Variants in GRID2 observed in about 807,000 individuals in gnomAD.
GRID2 encodes the protein glutamate receptor ionotropic, delta-2.
In GRID2, 33 loss-of-function variants were observed where a neutral mutation model predicts 114.8. The observed-to-expected ratio is 0.29, with a 90% CI of 0.22 to 0.38. The LOEUF (loss-of-function observed/expected upper bound fraction) is 0.38, where lower values mean the gene tolerates loss of function less well. Among genes scored for constraint, GRID2 ranks in the 10% least tolerant of loss-of-function variants. GRID2 has a pLI of 1.00. For synonymous variants in GRID2, 505 were observed against 449.9 expected (o/e 1.12, Z -1.55); for missense variants, 1,184 against 1,257.7 (o/e 0.94, Z 0.89).
intron 2 of GRID2, among the ~76,000 whole-genome samples, chr4:92,961,961 A>G (rs1013512160): frequency 4.0e-5 from 6 of 151,818 alleles, no homozygotes; most frequent in Non-Finnish European, 8.8e-5. Context: ...AATATGCCCA[A>G]GAAAGGCATT....
At chr4:92,865,771 A>T (rs560027468) in intron 2 of GRID2, among the ~76,000 whole-genome samples, 5 of 152,346 alleles carry the variant, frequency 3.3e-5, no homozygotes, top group African/African-American at 1.2e-4. Flanking sequence ...TGACTGAATA[A>T]TATTTCGGCC....
Position 93,636,628 on chromosome 4 carries a change from C to T in GRID2, c.2360+10193C>T, listed in dbSNP as rs142983304. 6.0e-4 allele frequency among the ~76,000 whole-genome samples: 91 copies of T among 152,202 alleles called. 1 individual carries two copies. The East Asian group carries it at 0.014, about 23-fold the overall frequency. ...TACTTTTAAAAGGAAAATTTGATGT[C>T]ATCAAAAATAATCAAAGAACATGCT... is the stretch of plus-strand genomic sequence containing the variant. On this transcript the variant is annotated intron_variant, in intron 14 of 15. Transcript: ENST00000282020.
At chr4:93,338,567 A>T (rs1759321435) in intron 8 of GRID2, among the ~76,000 whole-genome samples, 1 of 152,196 alleles carries the variant, frequency 6.6e-6, no homozygotes, top group South Asian at 2.1e-4. Flanking sequence ...TTGTATTTAT[A>T]AAGTTTTACA....
chr4:92,709,589 A>AAAAAAAAATAT (rs779775767), intron 2 of GRID2, among the ~76,000 whole-genome samples: 4 of 114,634 alleles, frequency 3.5e-5, no homozygotes, highest in South Asian at 3.2e-4. Context: ...AAAAAAAAAA[A>AAAAAAAAATAT]ATATATATAT....
chr4:92,425,347 A>G (rs1732106121), intron 1 of GRID2, among the ~76,000 whole-genome samples: 1 of 152,082 alleles, frequency 6.6e-6, no homozygotes, highest in Non-Finnish European at 1.5e-5. Flanking sequence ...TTAATTAACA[A>G]GACTGCCAAA....
At chr4:93,710,936 G>A (rs1398542709) in intron 14 of GRID2, among the ~76,000 whole-genome samples, 1 of 152,074 alleles carries the variant, frequency 6.6e-6, no homozygotes, top group Non-Finnish European at 1.5e-5. Flanking sequence ...TCTTCAGTCA[G>A]CTGGTGTTGA....
intron 14 of GRID2, among the ~76,000 whole-genome samples, chr4:93,735,208 G>A (rs1560957588): frequency 6.6e-6 from 1 of 151,912 alleles, no homozygotes; most frequent in Non-Finnish European, 1.5e-5. Flanking sequence ...TAAACAAATG[G>A]AATCAGTAAA....
At chr4:92,481,423 A>G (rs1722583195) in intron 1 of GRID2, among the ~76,000 whole-genome samples, 1 of 152,160 alleles carries the variant, frequency 6.6e-6, no homozygotes, top group African/African-American at 2.4e-5. Context: ...ATTCTCTAGT[A>G]TGACTAGCCA....
At chr4:92,537,153 A>G (rs1196152487) in intron 1 of GRID2, among the ~76,000 whole-genome samples, 2 of 152,146 alleles carry the variant, frequency 1.3e-5, no homozygotes, top group Non-Finnish European at 2.9e-5. Flanking sequence ...ATATTTTACA[A>G]CTTTTTTCTT....
intron 2 of GRID2, among the ~76,000 whole-genome samples, chr4:93,034,240 A>C (rs1560814178): frequency 6.6e-6 from 1 of 152,208 alleles, no homozygotes; most frequent in Non-Finnish European, 1.5e-5. Flanking sequence ...TCAGACAAAA[A>C]CAAAACCAAA....
intron 2 of GRID2, among the ~76,000 whole-genome samples, chr4:92,875,515 A>G (rs186867103): frequency 1.1e-4 from 16 of 152,310 alleles, no homozygotes; most frequent in Admixed American, 9.2e-4. Context: ...AATACAACAC[A>G]TTTGGTTGTG....
Position 93,115,269 on chromosome 4 carries a change from A to G in GRID2, c.735+4316A>G, listed in dbSNP as rs573002223. On this transcript the variant is annotated intron_variant, in intron 4 of 15. Coordinates refer to ENST00000282020, the MANE Select transcript of GRID2 (RefSeq NM_001510.4). Reference sequence around the variant, plus strand: ...AATTTAATTTGTATTTACTTTTAGCATATCCTGTGTATTTGCATTGTTCAA... The same window carrying G: ...AATTTAATTTGTATTTACTTTTAGCGTATCCTGTGTATTTGCATTGTTCAA... 1.8e-4 allele frequency among the ~76,000 whole-genome samples: 27 copies of G among 152,122 alleles called. No homozygotes were observed. The South Asian group carries it at 5.4e-3, about 30-fold the overall frequency.
intron 14 of GRID2, among the ~76,000 whole-genome samples, chr4:93,688,301 T>C (rs1015334873): frequency 2.0e-5 from 3 of 151,954 alleles, no homozygotes; most frequent in African/African-American, 7.2e-5. Context: ...GTTTACCACC[T>C]GTACACCTGA....
intron 1 of GRID2, among the ~76,000 whole-genome samples, chr4:92,555,651 G>A (rs537793511): frequency 1.4e-4 from 21 of 152,080 alleles, no homozygotes; most frequent in African/African-American, 3.4e-4. Flanking sequence ...TTAACTTCTC[G>A]TCTGTGGTTT....
At chr4:93,734,489 A>G (rs1730759184) in intron 14 of GRID2, among the ~76,000 whole-genome samples, 1 of 152,066 alleles carries the variant, frequency 6.6e-6, no homozygotes, top group Non-Finnish European at 1.5e-5. Context: ...CATAACATAC[A>G]TAAAATCACC....
intron 2 of GRID2, among the ~76,000 whole-genome samples, chr4:93,083,695 C>CAAAAAAAAAAAAAAAAAAAAAA (rs34205612): frequency 1.3e-5 from 1 of 75,772 alleles, no homozygotes; most frequent in South Asian, 4.8e-4. Context: ...GACTCCATCT[C>CAAAAAAAAAAAAAAAAAAAAAA]AAAAAAAAAA....
Position 93,560,613 on chromosome 4 carries a change from C to T in GRID2, c.2193+45202C>T, listed in dbSNP as rs1337428854. 2.6e-5 allele frequency among the ~76,000 whole-genome samples: 4 copies of T among 152,210 alleles called. No individual in the cohort carries two copies. The East Asian group carries it at 7.7e-4, about 29-fold the overall frequency. On this transcript the variant is annotated intron_variant, in intron 13 of 15. Coordinates refer to ENST00000282020, the MANE Select transcript of GRID2 (RefSeq NM_001510.4). ...AATATTTTATTGTGATTTGGTGGGACACAGATCCAAACCCTAGCACCTGGC... is the reference window on the plus strand; with the variant it reads ...AATATTTTATTGTGATTTGGTGGGATACAGATCCAAACCCTAGCACCTGGC...
At chr4:93,213,182 T>G (rs1407562167) in intron 5 of GRID2, among the ~76,000 whole-genome samples, 2 of 152,190 alleles carry the variant, frequency 1.3e-5, no homozygotes, top group Non-Finnish European at 2.9e-5. Flanking sequence ...CTTCTAAGCT[T>G]TCAAGTAGAA....
At chr4:93,187,984 A>G (rs967992237) in intron 4 of GRID2, among the ~76,000 whole-genome samples, 3 of 151,244 alleles carry the variant, frequency 2.0e-5, no homozygotes, top group African/African-American at 7.2e-5. Context: ...TACAACCAGT[A>G]TTGCAGCTCT....
Sources: gnomAD v4.1 joint callset for allele counts (sites outside exome capture counted in the v4.1 genomes callset) on GRCh38, gnomAD v4.1.1 for gene constraint, MANE v1.5 for transcripts, NCBI Gene and HGNC (gene_info 2026-07-23, HGNC 2026-07-21) for gene names.